ITCH: variants seen among roughly 807,000 people sequenced by gnomAD.
The protein encoded by ITCH is itchy E3 ubiquitin protein ligase.
A neutral mutation model predicts 126.8 loss-of-function variants in ITCH; 28 were observed. The ratio of observed to expected loss-of-function variants is 0.22; its 90% CI spans 0.16 to 0.30. ITCH has a LOEUF of 0.30. ITCH is among the 10% of genes least tolerant of loss of function. ITCH has a pLI of 1.00. For missense variants in ITCH, 631 were observed against 1,032.4 expected (o/e 0.61, Z 5.33); for synonymous variants, 342 against 340.0 (o/e 1.01, Z -0.06).
At chr20:34,474,496 A>G (rs1987947326) in intron 16 of ITCH, among the ~76,000 whole-genome samples, 1 of 152,262 alleles carries the variant, frequency 6.6e-6, no homozygotes, top group African/African-American at 2.4e-5. Context: ...TCACAGATCA[A>G]CAGGATCCCA....
chr20:34,398,216 C>T (rs1452255825), intron 3 of ITCH, among the ~76,000 whole-genome samples: 1 of 151,858 alleles, frequency 6.6e-6, no homozygotes, highest in Non-Finnish European at 1.5e-5. Flanking sequence ...GTGTGCGCCA[C>T]CACACCCGGC....
intron 14 of ITCH, among the ~76,000 whole-genome samples, chr20:34,468,559 G>A (rs2146407060): frequency 6.6e-6 from 1 of 152,044 alleles, no homozygotes; most frequent in African/African-American, 2.4e-5. Flanking sequence ...GGGAGGCCCA[G>A]GCAGGCAGAT....
intron 2 of ITCH, among the ~76,000 whole-genome samples, chr20:34,391,150 A>G (rs899340794): frequency 1.3e-5 from 2 of 152,070 alleles, no homozygotes; most frequent in African/African-American, 2.4e-5. Context: ...TGGATTATCT[A>G]TTTTTTTCTA....
At chr20:34,410,869 GA>G (rs1273083372) in intron 4 of ITCH, among the ~76,000 whole-genome samples, 2 of 152,066 alleles carry the variant, frequency 1.3e-5, no homozygotes, top group Admixed American at 1.3e-4. Flanking sequence ...TAAAAGTTAA[GA>G]AAAAAACTCT....
chr20:34,474,530 C>T (rs1987951136), intron 16 of ITCH, among the ~76,000 whole-genome samples: 1 of 152,222 alleles, frequency 6.6e-6, no homozygotes. Context: ...ATTCTTAGTA[C>T]AGAACAAAAT....
intron 13 of ITCH, 47 bp downstream of exon 13, chr20:34,457,521 T>A (rs763480651): frequency 1.6e-6 from 2 of 1,260,726 alleles, no homozygotes; most frequent in Non-Finnish European, 2.3e-6. Context: ...AGATTATACC[T>A]TATTTCTAAC....
intron 14 of ITCH, chr20:34,466,386 G>C (rs1481206559): frequency 1.9e-6 from 1 of 532,012 alleles, no homozygotes; most frequent in Admixed American, 2.0e-5. Context: ...TTTTCTTATA[G>C]TGTGGCTTTC....
intron 6 of ITCH, among the ~76,000 whole-genome samples, chr20:34,414,619 A>C (rs897183252): frequency 6.6e-6 from 1 of 152,044 alleles, no homozygotes; most frequent in Non-Finnish European, 1.5e-5. Context: ...GGCATGCGCC[A>C]CCACGCCCAG....
chr20:34,393,671 T>A (rs2038565254), intron 2 of ITCH, 120 bp from the exon 3 acceptor site: 1 of 737,778 alleles, frequency 1.4e-6, no homozygotes, highest in South Asian at 1.4e-5. Context: ...AAAATTGTGT[T>A]TAGTAATGTA....
chr20:34,386,592 G>A (rs1314639352), intron 2 of ITCH, among the ~76,000 whole-genome samples: 1 of 151,930 alleles, frequency 6.6e-6, no homozygotes, highest in Non-Finnish European at 1.5e-5. Flanking sequence ...TAGTTTTTTT[G>A]TGTCTTCTGA....
At chr20:34,368,620 A>G (rs1055648473) in intron 1 of ITCH, among the ~76,000 whole-genome samples, 32 of 152,200 alleles carry the variant, frequency 2.1e-4, no homozygotes, top group Admixed American at 3.3e-4. Flanking sequence ...GTTGGAAACT[A>G]TCCTCACAAC....
chr20:34,404,753 G>A (rs971811116), intron 3 of ITCH, among the ~76,000 whole-genome samples: 3 of 152,076 alleles, frequency 2.0e-5, no homozygotes, highest in Admixed American at 6.6e-5. Flanking sequence ...AGTAATACCT[G>A]TTTCGCAGAA....
chr20:34,486,046 C>G (rs1386492702), intron 20 of ITCH, among the ~76,000 whole-genome samples: 1 of 152,118 alleles, frequency 6.6e-6, no homozygotes. Context: ...GAGTCTCACT[C>G]TGAGGTTGCC....
intron 1 of ITCH, among the ~76,000 whole-genome samples, chr20:34,364,759 C>T (rs2122933743): frequency 7.7e-6 from 1 of 130,542 alleles, no homozygotes; most frequent in East Asian, 2.4e-4. Context: ...GGCGTGGTGG[C>T]GCGCGCCTGT....
intron 1 of ITCH, among the ~76,000 whole-genome samples, chr20:34,363,889 T>C (rs1031924426): frequency 2.0e-5 from 3 of 152,088 alleles, no homozygotes; most frequent in African/African-American, 7.2e-5. Flanking sequence ...CTCCTTCCAT[T>C]GTCCCCCCGG....
intron 2 of ITCH, among the ~76,000 whole-genome samples, chr20:34,390,004 C>G (rs1421615558): frequency 2.0e-5 from 3 of 151,958 alleles, no homozygotes; most frequent in African/African-American, 7.3e-5. Flanking sequence ...GCCTGTAGTC[C>G]CAGCTACTGG....
intron 13 of ITCH, among the ~76,000 whole-genome samples, chr20:34,458,650 G>A (rs998275028): frequency 1.3e-5 from 2 of 152,168 alleles, no homozygotes; most frequent in Non-Finnish European, 2.9e-5. Flanking sequence ...AAGATACTAG[G>A]AAGAGATCTG....
rs914660447 is a variant in ITCH at position 34,412,585 on chromosome 20, T to C, written c.283T>C (p.Leu95=). 1.2e-6 allele frequency: 2 copies of C among 1,603,668 alleles called. No individual in the cohort carries two copies. The highest frequency in any genetic ancestry group is 1.7e-6 in the Non-Finnish European group (2 of 1,170,600). Residue 95 remains leucine (L), a synonymous_variant, in exon 5 of 25, where the codon TTG becomes CTG. Coordinates refer to ENST00000374864, the MANE Select transcript of ITCH (RefSeq NM_031483.7). ...CCAGACACTGAAATCTGATGTTTTG[T>C]TGGGAACTGCTGCATTAGATATTTA... The part of the protein sequence containing the change: ...SHQTLKSDVL[L]GTAALDIYET...
chr20:34,476,221 A>G (rs1301881533), intron 16 of ITCH: 2 of 804,980 alleles, frequency 2.5e-6, no homozygotes, highest in Non-Finnish European at 4.5e-6. Flanking sequence ...AGAATCACCA[A>G]CTTTTCCTTT....
Sources: allele counts gnomAD v4.1 joint callset (sites outside exome capture counted in the v4.1 genomes callset), GRCh38; gene constraint gnomAD v4.1.1; transcripts MANE v1.5; gene names NCBI Gene and HGNC (gene_info 2026-07-23, HGNC 2026-07-21).